The following DHRSX variants were observed in gnomAD, a reference collection of about 807,000 sequenced individuals.
DHRSX encodes the protein dehydrogenase/reductase X-linked, also known as polyprenol dehydrogenase.
A neutral mutation model predicts 34.0 loss-of-function variants in DHRSX; 31 were observed. The observed-to-expected ratio is 0.91, with a 90% CI of 0.69 to 1.23. DHRSX has a LOEUF of 1.23. Among genes scored for constraint, DHRSX ranks in the 50% most tolerant of loss-of-function variants. The pLI is 0.00. For missense variants in DHRSX, 414 were observed against 428.1 expected (o/e 0.97, Z 0.29); for synonymous variants, 201 against 183.8 (o/e 1.09, Z -0.76).
At chrX:2,266,322 G>A (rs1253252768) in intron 5 of DHRSX, among the ~76,000 whole-genome samples, 6 of 128,352 alleles carry the variant, frequency 4.7e-5, no homozygotes, top group Non-Finnish European at 6.3e-5. Flanking sequence ...ACCAATGCTC[G>A]GCAGACACAG....
intron 1 of DHRSX, among the ~76,000 whole-genome samples, chrX:2,499,842 C>T (rs192878688): frequency 1.3e-5 from 2 of 151,984 alleles, no homozygotes; most frequent in Admixed American, 6.6e-5. Flanking sequence ...CCCAGGAGTT[C>T]GAGACCAGCC....
At chrX:2,247,967 G>C (rs67990522) in intron 5 of DHRSX, among the ~76,000 whole-genome samples, 84,235 of 151,518 alleles carry the variant, frequency 0.56, 26,754 homozygotes, top group Non-Finnish European at 0.75. Flanking sequence ...AGGACTCTAA[G>C]TTTCCCTACA....
chrX:2,407,186 T>C (rs2043566319), intron 3 of DHRSX, among the ~76,000 whole-genome samples: 1 of 152,166 alleles, frequency 6.6e-6, no homozygotes, highest in African/African-American at 2.4e-5. Flanking sequence ...ATACCATTCT[T>C]CTTAGGTCGA....
intron 3 of DHRSX, among the ~76,000 whole-genome samples, chrX:2,338,607 A>G (rs770053987): frequency 5.3e-5 from 8 of 152,010 alleles, no homozygotes; most frequent in African/African-American, 1.9e-4. Context: ...TGGTTGTTAA[A>G]TAGAGCCTGG....
At chrX:2,481,085 T>C (rs186533510) in intron 1 of DHRSX, among the ~76,000 whole-genome samples, 223 of 152,320 alleles carry the variant, frequency 1.5e-3, no homozygotes, top group Middle Eastern at 3.4e-3. Flanking sequence ...ATTATTGATA[T>C]GTTAATTAGG....
intron 1 of DHRSX, among the ~76,000 whole-genome samples, chrX:2,443,003 G>C (rs1013004899): frequency 3.3e-5 from 5 of 152,076 alleles, no homozygotes; most frequent in African/African-American, 9.7e-5. Flanking sequence ...AAATCAAGAG[G>C]GAGGCGGAGT....
intron 1 of DHRSX, among the ~76,000 whole-genome samples, chrX:2,470,710 CAT>C (rs1305870054): frequency 6.6e-6 from 1 of 152,120 alleles, no homozygotes; most frequent in African/African-American, 2.4e-5. Context: ...TCTCAAAAAA[CAT>C]ATAAATTACA....
intron 3 of DHRSX, among the ~76,000 whole-genome samples, chrX:2,307,797 A>T (rs754686108): frequency 0.013 from 1,931 of 146,846 alleles, 39 homozygotes; most frequent in African/African-American, 0.039. Flanking sequence ...AATAAAAAAA[A>T]TAAAATAAAA....
chrX:2,315,689 G>A (rs1040947930), intron 3 of DHRSX, among the ~76,000 whole-genome samples: 3 of 152,090 alleles, frequency 2.0e-5, no homozygotes, highest in Non-Finnish European at 4.4e-5. Context: ...TCACAGTTCT[G>A]TAAGTCAGAA....
At chrX:2,420,635 C>T (rs1488249579) in intron 2 of DHRSX, among the ~76,000 whole-genome samples, 2 of 141,242 alleles carry the variant, frequency 1.4e-5, no homozygotes, top group East Asian at 4.4e-4. Context: ...CCCAGCTACT[C>T]AGGAGGCTGA....
At chrX:2,385,017 C>T (rs1404345598) in intron 3 of DHRSX, among the ~76,000 whole-genome samples, 1 of 151,750 alleles carries the variant, frequency 6.6e-6, no homozygotes, top group African/African-American at 2.4e-5. Flanking sequence ...GCAGGAGAAT[C>T]GCTTGAGCCT....
At chrX:2,317,298 C>G (rs1236329833) in intron 3 of DHRSX, among the ~76,000 whole-genome samples, 4 of 127,678 alleles carry the variant, frequency 3.1e-5, no homozygotes, top group Non-Finnish European at 6.3e-5. Context: ...GTGGCCCAGG[C>G]TAGAGTGCAG....
chrX:2,222,888 C>G, intron 6 of DHRSX, among the ~76,000 whole-genome samples: 1 of 152,298 alleles, frequency 6.6e-6, no homozygotes, highest in East Asian at 1.9e-4. Context: ...TGCCCACCAG[C>G]CCATCCTCTG....
intron 1 of DHRSX, among the ~76,000 whole-genome samples, chrX:2,491,066 GTT>G (rs900738620): frequency 3.6e-5 from 4 of 110,254 alleles, no homozygotes; most frequent in Admixed American, 1.0e-4. Flanking sequence ...AGTGCCTTTA[GTT>G]TTTTTTTTTT....
intron 2 of DHRSX, among the ~76,000 whole-genome samples, chrX:2,414,631 A>T (rs1453265666): frequency 6.6e-6 from 1 of 152,028 alleles, no homozygotes; most frequent in Non-Finnish European, 1.5e-5. Flanking sequence ...AACCAACTAG[A>T]CCTCATCATA....
At chrX:2,455,432 G>A (rs2044282542) in intron 1 of DHRSX, among the ~76,000 whole-genome samples, 1 of 151,486 alleles carries the variant, frequency 6.6e-6, no homozygotes, top group Admixed American at 6.6e-5. Flanking sequence ...CTGCGCATGT[G>A]CCCCTCAACC....
At chrX:2,294,351 T>C (rs2041904697) in intron 3 of DHRSX, among the ~76,000 whole-genome samples, 4 of 151,952 alleles carry the variant, frequency 2.6e-5, no homozygotes, top group African/African-American at 4.8e-5. Flanking sequence ...TGAGACCAGC[T>C]TGGCTAACAT....
intron 1 of DHRSX, chrX:2,490,561 C>A: frequency 6.2e-7 from 1 of 1,613,984 alleles, no homozygotes; most frequent in Non-Finnish European, 8.5e-7. Flanking sequence ...AGTAGGCGAT[C>A]TGGGCCATGC....
rs192204067 is a variant in DHRSX, at chrX:2,374,576, T to C, written c.286+34169A>G. Among the ~76,000 whole-genome samples, 60 of 129,406 alleles carry C rather than the reference T, an allele frequency of 4.6e-4. 3 individuals are homozygous for C. The East Asian group carries it at 0.012, about 26-fold the overall frequency. 84.9% of individuals were successfully genotyped at this position (129,406 alleles called of 152,430 possible). On this transcript the variant is annotated intron_variant, in intron 3 of 6. Coordinates refer to ENST00000334651, the MANE Select transcript of DHRSX (RefSeq NM_145177.3). Reference sequence around the variant, plus strand: ...CAACATGGAGAAACCCCATCTCTACTAAAAATACAAAAATTAGCCAGGCAT... The same window carrying C: ...CAACATGGAGAAACCCCATCTCTACCAAAAATACAAAAATTAGCCAGGCAT...
Sources: gnomAD v4.1 joint callset for allele counts (sites outside exome capture counted in the v4.1 genomes callset) on GRCh38, gnomAD v4.1.1 for gene constraint, MANE v1.5 for transcripts, NCBI Gene and HGNC (gene_info 2026-07-23, HGNC 2026-07-21) for gene names.